PROSER2: variants seen among roughly 807,000 people sequenced by gnomAD.
The protein encoded by PROSER2 is proline and serine rich 2.
A neutral mutation model predicts 14.6 loss-of-function variants in PROSER2; 18 were observed. The ratio of observed to expected loss-of-function variants is 1.23; its 90% CI spans 0.85 to 1.83. PROSER2 has a LOEUF of 1.83. PROSER2 is among the 40% of genes most tolerant of loss of function. The pLI is 0.00. For synonymous variants in PROSER2, 367 were observed against 286.4 expected, an observed-to-expected ratio of 1.28 and a Z score of -2.84; for missense variants, 823 against 629.8, an observed-to-expected ratio of 1.31 and a Z score of -3.28.
intron 3 of PROSER2, among the ~76,000 whole-genome samples, chr10:11,867,088 C>G (rs1834363784): frequency 6.6e-6 from 1 of 151,808 alleles, no homozygotes. Flanking sequence ...CACAGTGAAA[C>G]CCCGTCTCTA....
rs541169515 is a variant in PROSER2 at position 11,843,004 on chromosome 10, G to A, written c.-81-8993G>A. Among the ~76,000 whole-genome samples, 246 of 134,206 alleles carry A rather than the reference G, an allele frequency of 1.8e-3. 1 individual carries two copies. Among genetic ancestry groups the A allele is most frequent in the South Asian group, 0.011 (48 of 4,188 alleles). 88.0% of individuals were successfully genotyped at this position (134,206 alleles called of 152,430 possible). The stretch of plus-strand genomic sequence containing the variant: ...CGCCCAGGCTGGAGTGCTGTGGCAC[G>A]ATCTCGGCTCACTGCAAGTTCCGCC... On this transcript the variant is annotated intron_variant, in intron 1 of 3. Transcript: ENST00000277570.
Position 11,866,405 on chromosome 10 carries a change from G to A in PROSER2, c.139-126G>A, listed in dbSNP as rs1293342587. 9.1e-7 allele frequency: 1 copy of A among 1,100,000 alleles called. No individual in the cohort carries two copies. 68.1% of individuals were successfully genotyped at this position (1,100,000 alleles called of 1,614,324 possible). ...GCACACGCAGGCACTGTGTGGCAGG[G>A]TACTCTCGGGACACAGTGAGTTCCG... On this transcript the variant is annotated intron_variant, in intron 2 of 3. Transcript: ENST00000277570. The surrounding 1 kb of genome is among the most constrained non-coding windows in gnomAD (Gnocchi z 6.0).
At chr10:11,846,841 T>C (rs1833928993) in intron 1 of PROSER2, among the ~76,000 whole-genome samples, 3 of 152,006 alleles carry the variant, frequency 2.0e-5, no homozygotes, top group Admixed American at 1.3e-4. Flanking sequence ...CAGCCTCAGA[T>C]TCCTGGGCTC....
In PROSER2 at chr10:11,844,361, G is replaced by C. The variant is rs563614795; in HGVS notation, c.-81-7636G>C. Among the ~76,000 whole-genome samples the C allele has an allele frequency of 7.2e-5, 11 of 152,148 alleles. No individual in the cohort carries two copies. The South Asian group carries it at 2.1e-3, about 29-fold the overall frequency. On this transcript the variant is annotated intron_variant, in intron 1 of 3. Transcript: ENST00000277570. ...ACATTCATATGGTTAAAAAAGAAAA[G>C]GTAATTATATTTCTAAAAACTCTAC...
chr10:11,828,025 A>C (rs1206338692), intron 1 of PROSER2, among the ~76,000 whole-genome samples: 1 of 151,760 alleles, frequency 6.6e-6, no homozygotes, highest in Non-Finnish European at 1.5e-5. Flanking sequence ...TATTTTTTTT[A>C]ATTAGGTTAA....
At chr10:11,833,488 C>T (rs1833716316) in intron 1 of PROSER2, among the ~76,000 whole-genome samples, 1 of 151,804 alleles carries the variant, frequency 6.6e-6, no homozygotes, top group Admixed American at 6.6e-5. Context: ...GTCAGGAGTT[C>T]GAGACCAGCC....
At chr10:11,852,510 T>C (rs1425026639) in intron 2 of PROSER2, among the ~76,000 whole-genome samples, 1 of 151,220 alleles carries the variant, frequency 6.6e-6, no homozygotes, top group African/African-American at 2.4e-5. Context: ...GGAGCGCTGC[T>C]GAAGAGCTCA....
In PROSER2 at chr10:11,870,297, C is replaced by G. The variant is rs1362216567; in HGVS notation, c.1199C>G (p.Ser400Cys). 2.0e-6 allele frequency: 3 copies of G among 1,494,612 alleles called. No homozygotes were observed. Among genetic ancestry groups the G allele is most frequent in the Admixed American group, 4.5e-5 (2 of 44,384 alleles). The allele number at this position is 1,494,612 out of a possible 1,614,324, so 92.6% of individuals were successfully genotyped here. Residue 400 changes from serine (S) to cysteine (C), a missense_variant, in exon 4 of 4, where the codon TCC becomes TGC. Ser to Cys is a moderately radical substitution (Grantham distance 112, BLOSUM62 -1). Transcript: ENST00000277570. Reference protein sequence around the residue: ...NGAQDWRRADSLPRPQGITVQ... With the variant: ...NGAQDWRRADCLPRPQGITVQ... ...GCCCAGGACTGGCGCCGCGCAGACT[C>G]CCTGCCCCGGCCCCAGGGCATCACC...
chr10:11,825,026 C>T lies in PROSER2; in HGVS notation c.-82+1556C>T, dbSNP rs529645486. ...TACAGTCATTTCTAGATAACAGCCA[C>T]ATGGCCCAAACTGATTAAAACCAGA... is the stretch of plus-strand genomic sequence containing the variant. On this transcript the variant is annotated intron_variant, in intron 1 of 3. Transcript: ENST00000277570. Among the ~76,000 whole-genome samples the T allele has an allele frequency of 5.9e-5, 9 of 152,328 alleles. No individual in the cohort carries two copies. The South Asian group carries it at 1.9e-3, about 32-fold the overall frequency.
At chr10:11,835,756 C>T (rs2131051920) in intron 1 of PROSER2, among the ~76,000 whole-genome samples, 1 of 152,284 alleles carries the variant, frequency 6.6e-6, no homozygotes, top group East Asian at 1.9e-4. Context: ...GTGCCTGTCA[C>T]ATAGAAGACA....
chr10:11,860,962 C>T (rs558294364), intron 2 of PROSER2, among the ~76,000 whole-genome samples: 6 of 152,202 alleles, frequency 3.9e-5, no homozygotes, highest in East Asian at 1.9e-4. Context: ...AAAAATTAAC[C>T]GGGCGTGGTG....
rs1224099365 is a variant in PROSER2, at chr10:11,871,379, T to C, written c.*973T>C. ...TGCTTTATCCTCAACAAAATGTTCC[T>C]CTGTTCCCAGTTAAAGTAATATTCC... On this transcript the variant is annotated 3_prime_UTR_variant, in exon 4 of 4. Transcript: ENST00000277570. 6.6e-6 allele frequency: 1 copy of C among 152,246 alleles called. No homozygotes were observed. The highest frequency in any genetic ancestry group is 1.5e-5 in the Non-Finnish European group (1 of 68,040). 9.4% of individuals were successfully genotyped at this position (152,246 alleles called of 1,614,324 possible).
At chr10:11,825,751 A>G (rs912782251) in intron 1 of PROSER2, among the ~76,000 whole-genome samples, 3 of 152,196 alleles carry the variant, frequency 2.0e-5, no homozygotes, top group Non-Finnish European at 2.9e-5. Flanking sequence ...GAAGGACTGT[A>G]TGGGGAGAGC....
intron 1 of PROSER2, among the ~76,000 whole-genome samples, chr10:11,833,256 T>TTTTTTTA (rs1833712897): frequency 7.2e-6 from 1 of 138,256 alleles, no homozygotes; most frequent in Non-Finnish European, 1.6e-5. Context: ...TTTTTTTTTT[T>TTTTTTTA]AGTTCTTTGC....
rs1251026845 is a variant in PROSER2 at position 11,856,482 on chromosome 10, T to C, written c.138+4267T>C. Among the ~76,000 whole-genome samples, 1 of 152,228 alleles carries C rather than the reference T, an allele frequency of 6.6e-6. No individual in the cohort carries two copies. Among genetic ancestry groups the C allele is most frequent in the Non-Finnish European group, 1.5e-5 (1 of 68,038 alleles). On this transcript the variant is annotated intron_variant, in intron 2 of 3. Transcript: ENST00000277570. The surrounding 1 kb of genome is among the most constrained non-coding windows in gnomAD (Gnocchi z 5.3). ...GGAGAGCTCTGCACTCGCATGGTTC[T>C]CAAGGAGTGGAGCTGGAACAGCATG...
chr10:11,854,599 C>A (rs1043181313), intron 2 of PROSER2, among the ~76,000 whole-genome samples: 1 of 148,506 alleles, frequency 6.7e-6, no homozygotes, highest in African/African-American at 2.5e-5. Flanking sequence ...GCATGAGCCA[C>A]CATGCCCAGC....
rs746929335 is a variant in PROSER2 at position 11,852,034 on chromosome 10, G to T, written c.-44G>T. ...GCCGCAGAATGGGCTGCTGGCTCCTGCCCTGCTTCCTGTGATCGAGCCGGC... is the reference window on the plus strand; with the variant it reads ...GCCGCAGAATGGGCTGCTGGCTCCTTCCCTGCTTCCTGTGATCGAGCCGGC... On this transcript the variant is annotated 5_prime_UTR_variant, in exon 2 of 4. Coordinates refer to ENST00000277570, the MANE Select transcript of PROSER2 (RefSeq NM_153256.4). 2.6e-6 allele frequency: 4 copies of T among 1,555,424 alleles called. No homozygotes were observed. In the African/African-American group the frequency reaches 5.5e-5, roughly 21 times the overall value.
intron 1 of PROSER2, among the ~76,000 whole-genome samples, chr10:11,832,701 A>T (rs1401310295): frequency 6.6e-6 from 1 of 152,206 alleles, no homozygotes; most frequent in Non-Finnish European, 1.5e-5. Context: ...GAAGGACTTG[A>T]TCTATAAATA....
rs185974132 is a variant in PROSER2 at position 11,869,019 on chromosome 10, T to C, written c.392-471T>C. 7.8e-4 allele frequency among the ~76,000 whole-genome samples: 119 copies of C among 152,356 alleles called. 1 individual carries two copies. Among genetic ancestry groups the C allele is most frequent in the Non-Finnish European group, 1.5e-3 (101 of 68,024 alleles). On this transcript the variant is annotated intron_variant, in intron 3 of 3. Transcript: ENST00000277570. This position sits in a 1 kb window ranked among gnomAD's most constrained non-coding sequence, Gnocchi z 4.4. The stretch of plus-strand genomic sequence containing the variant: ...GGTGATCTGTGACTGATACATGCTA[T>C]GTAAGGACTCAGAGGCAGGCCTGTT...
Sources: allele counts gnomAD v4.1 joint callset (sites outside exome capture counted in the v4.1 genomes callset), GRCh38; gene constraint gnomAD v4.1.1; non-coding constraint Gnocchi (gnomAD v3.1); transcripts MANE v1.5; gene names NCBI Gene and HGNC (gene_info 2026-07-23, HGNC 2026-07-21).